The following ZFP36L2 variants were observed in gnomAD, a reference collection of about 807,000 sequenced individuals.
The protein encoded by ZFP36L2 is mRNA decay activator protein ZFP36L2.
A neutral mutation model predicts 27.9 loss-of-function variants in ZFP36L2; 16 were observed. The ratio of observed to expected loss-of-function variants is 0.57; its 90% CI spans 0.39 to 0.87. The LOEUF (loss-of-function observed/expected upper bound fraction) is 0.87. Among genes scored for constraint, ZFP36L2 ranks in the 40% least tolerant of loss-of-function variants. The pLI, the probability that ZFP36L2 is intolerant of heterozygous loss-of-function variation, is 0.00. For synonymous variants in ZFP36L2, 600 were observed against 363.8 expected (o/e 1.65, Z -7.39); for missense variants, 989 against 726.9 (o/e 1.36, Z -4.15).
At position 43,226,088 on chromosome 2, in the gene ZFP36L2, C is replaced by T. The variant is rs569982607; in HGVS notation, c.51+177G>A. Among the ~76,000 whole-genome samples, 4 of 152,334 alleles carry T rather than the reference C, an allele frequency of 2.6e-5. No individual in the cohort carries two copies. In the South Asian group the frequency reaches 8.3e-4, roughly 32 times the overall value. ...CAGTGGAGAAACTCAACCGCGACAC[C>T]GGCGCCCTCCTTGCCGCCCTCCCCG... On this transcript the variant is annotated intron_variant, in intron 1 of 1. Transcript: ENST00000282388.
rs755783248 is a variant in ZFP36L2, at chr2:43,225,770, G to A, written c.52-18C>T. ...TTCTCTGTCTGCCAAAGGGAGGGGAGCGGGGAAGGGATGAAAAACGGAAGG... is the reference window on the plus strand; with the variant it reads ...TTCTCTGTCTGCCAAAGGGAGGGGAACGGGGAAGGGATGAAAAACGGAAGG... On this transcript the variant is annotated intron_variant, in intron 1 of 1. Coordinates refer to ENST00000282388, the MANE Select transcript of ZFP36L2 (RefSeq NM_006887.5). The A allele has an allele frequency of 3.8e-6, 6 of 1,578,264 alleles. No individual in the cohort carries two copies. The East Asian group carries it at 1.2e-4, about 31-fold the overall frequency.
chr2:43,226,442 G>C lies in ZFP36L2; in HGVS notation c.-127C>G, dbSNP rs868425433. On this transcript the variant is annotated 5_prime_UTR_variant, in exon 1 of 2. Coordinates refer to ENST00000282388, the MANE Select transcript of ZFP36L2 (RefSeq NM_006887.5). Reference sequence around the variant, plus strand: ...GGCGGGGAGGGGCCGAAAGTTTGCCGGGGGGCGAGAGGAGAGGGCGAGTGC... The same window carrying C: ...GGCGGGGAGGGGCCGAAAGTTTGCCCGGGGGCGAGAGGAGAGGGCGAGTGC... The C allele has an allele frequency of 3.7e-4, 471 of 1,279,744 alleles. 3 individuals are homozygous for C. The South Asian group carries it at 5.6e-3, about 15-fold the overall frequency. 79.3% of individuals were successfully genotyped at this position (1,279,744 alleles called of 1,614,324 possible).
rs1257627639 is a variant in ZFP36L2 at position 43,224,991 on chromosome 2, C to G, written c.813G>C (p.Pro271=). Residue 271 remains proline, a synonymous_variant, in exon 2 of 2, where the codon CCG becomes CCC. Coordinates refer to ENST00000282388, the MANE Select transcript of ZFP36L2 (RefSeq NM_006887.5). ...GCAGCAGCGGCGACTCGAGGCCGCCCGGGGGCTGATGGTGGCCCGACGGGA... is the reference window on the plus strand; with the variant it reads ...GCAGCAGCGGCGACTCGAGGCCGCCGGGGGGCTGATGGTGGCCCGACGGGA... ...SGFPSGHHQP[P]GGLESPLLLD... is the part of the protein sequence containing the mutation. 6.3e-7 allele frequency: 1 copy of G among 1,589,212 alleles called. No homozygotes were observed. Among genetic ancestry groups the G allele is most frequent in the African/African-American group, 1.4e-5 (1 of 73,718 alleles).
rs775291851 is a variant in ZFP36L2, at chr2:43,225,720, G to A, written c.84C>T (p.Asn28=). The A allele has an allele frequency of 2.5e-6, 4 of 1,595,600 alleles. No homozygotes were observed. Among genetic ancestry groups the A allele is most frequent in the Non-Finnish European group, 2.5e-6 (3 of 1,178,720 alleles). Residue 28 remains asparagine (N), a synonymous_variant, in exon 2 of 2, where the codon AAC becomes AAT. Transcript: ENST00000282388. The stretch of plus-strand genomic sequence containing the variant: ...CCACCGCCTTCTTGTCCAGCATGTT[G>A]TTCAGGTTGAGGTTGGCCAGGGATT... ...TEKSLANLNL[N]NMLDKKAVGT... is the part of the protein sequence containing the mutation.
chr2:43,225,694 C>A lies in ZFP36L2; in HGVS notation c.110G>T (p.Gly37Val), dbSNP rs761844244. Residue 37 changes from glycine (G) to valine (V), a missense_variant, in exon 2 of 2, where the codon GGG becomes GTG. Gly to Val is a moderately radical substitution (Grantham distance 109). Coordinates refer to ENST00000282388, the MANE Select transcript of ZFP36L2 (RefSeq NM_006887.5). ...LNNMLDKKAV[G>V]TPVAAAPSSG... The stretch of plus-strand genomic sequence containing the variant: ...GCTGGGGGCGGCGGCCACAGGCGTC[C>A]CCACCGCCTTCTTGTCCAGCATGTT... The A allele has an allele frequency of 1.7e-5, 27 of 1,594,652 alleles. No homozygotes were observed. The highest frequency in any genetic ancestry group is 2.2e-5 in the Non-Finnish European group (26 of 1,178,416).
rs1335475181 is a variant in ZFP36L2, at chr2:43,225,693, C to T, written c.111G>A (p.Gly37=). The T allele has an allele frequency of 2.5e-6, 4 of 1,595,298 alleles. No homozygotes were observed. Among genetic ancestry groups the T allele is most frequent in the African/African-American group, 2.7e-5 (2 of 74,316 alleles). ...AGCTGGGGGCGGCGGCCACAGGCGT[C>T]CCCACCGCCTTCTTGTCCAGCATGT... is the stretch of plus-strand genomic sequence containing the variant. The part of the protein sequence containing the change: ...LNNMLDKKAV[G]TPVAAAPSSG... Residue 37 remains glycine, a synonymous_variant, in exon 2 of 2, where the codon GGG becomes GGA. Coordinates refer to ENST00000282388, the MANE Select transcript of ZFP36L2 (RefSeq NM_006887.5).
rs754654347 is a variant in ZFP36L2 at position 43,225,225 on chromosome 2, C to T, written c.579G>A (p.Lys193=). 1.9e-6 allele frequency: 3 copies of T among 1,607,184 alleles called. No individual in the cohort carries two copies. Among genetic ancestry groups the T allele is most frequent in the South Asian group, 2.2e-5 (2 of 91,076 alleles). ...TATGAAAGGTGCGGCACAGCTCGGT[C>T]TTGTACTTCGGATGGCGAGTCAGGC... ...LRSLTRHPKY[K]TELCRTFHTI... is the part of the protein sequence containing the mutation. Residue 193 remains lysine (K), a synonymous_variant, in exon 2 of 2, where the codon AAG becomes AAA. Transcript: ENST00000282388.
chr2:43,225,859 CCACTCTTGGCGGAT>C (rs1667087774), intron 1 of ZFP36L2, 107 bp from the exon 2 acceptor site: 1 of 1,231,984 alleles, frequency 8.1e-7, no homozygotes. Flanking sequence ...TTTTTTTCCC[CCACTCTTGGCGGAT>C]CCCGACTCGG....
Position 43,224,755 on chromosome 2 carries a change from C to T in ZFP36L2, c.1049G>A (p.Cys350Tyr). The T allele has an allele frequency of 6.7e-7, 1 of 1,501,810 alleles. No homozygotes were observed. Among genetic ancestry groups the T allele is most frequent in the Non-Finnish European group, 8.8e-7 (1 of 1,132,768 alleles). The allele number at this position is 1,501,810 out of a possible 1,614,324, so 93.0% of individuals were successfully genotyped here. A position where few individuals can be genotyped will look rare whatever the true frequency, so the allele number is the denominator to read the frequency against. ...AEDLLAPGAP[C>Y]AACSSASCAN... The stretch of plus-strand genomic sequence containing the variant: ...GCACGAGGCCGACGAGCAGGCCGCG[C>T]ACGGGGCCCCCGGCGCCAGCAGGTC... The change falls in exon 2 of 2, where the codon TGC becomes TAC. Residue 350 changes from cysteine (C) to tyrosine (Y), a missense_variant. Coordinates refer to ENST00000282388, the MANE Select transcript of ZFP36L2 (RefSeq NM_006887.5).
At chr2:43,226,136 T>C (rs1224302429) in intron 1 of ZFP36L2, 129 bp downstream of exon 1, 1 of 1,372,404 alleles carries the variant, frequency 7.3e-7, no homozygotes, top group Non-Finnish European at 1.0e-6. Context: ...TCGGACACTC[T>C]TTTGCAAACC....
Position 43,225,720 on chromosome 2 carries a change from G to C in ZFP36L2, c.84C>G (p.Asn28Lys), listed in dbSNP as rs775291851. 7 of 1,595,482 alleles carry C rather than the reference G, an allele frequency of 4.4e-6. No homozygotes were observed. The highest frequency in any genetic ancestry group is 3.3e-5 in the Admixed American group (2 of 59,790). ...CCACCGCCTTCTTGTCCAGCATGTTGTTCAGGTTGAGGTTGGCCAGGGATT... is the reference window on the plus strand; with the variant it reads ...CCACCGCCTTCTTGTCCAGCATGTTCTTCAGGTTGAGGTTGGCCAGGGATT... ...TEKSLANLNL[N>K]NMLDKKAVGT... The change falls in exon 2 of 2, where the codon AAC (asparagine) becomes AAG (lysine). Residue 28 changes from asparagine to lysine, a missense_variant. Transcript: ENST00000282388.
rs1666997462 is a variant in ZFP36L2 at position 43,222,879 on chromosome 2, G to A, written c.*1440C>T. 6.6e-6 allele frequency: 1 copy of A among 152,272 alleles called. No homozygotes were observed. The highest frequency in any genetic ancestry group is 2.1e-4 in the South Asian group (1 of 4,824). The allele number at this position is 152,272 out of a possible 1,614,324, so 9.4% of individuals were successfully genotyped here. ...ACTTATTTGGTTGAGGAAGATTTAA[G>A]GCAAGTTCGGGCCCTTCCAAAGGCA... On this transcript the variant is annotated 3_prime_UTR_variant, in exon 2 of 2. Coordinates refer to ENST00000282388, the MANE Select transcript of ZFP36L2 (RefSeq NM_006887.5).
chr2:43,226,087 C>T (rs2103978310), intron 1 of ZFP36L2, among the ~76,000 whole-genome samples, 178 bp downstream of exon 1: 1 of 152,306 alleles, frequency 6.6e-6, no homozygotes, highest in East Asian at 1.9e-4. Context: ...AACCGCGACA[C>T]CGGCGCCCTC....
At position 43,223,959 on chromosome 2, in the gene ZFP36L2, C is replaced by G. The variant is rs1386829460; in HGVS notation, c.*360G>C. The G allele has an allele frequency of 5.5e-6, 1 of 180,304 alleles. No homozygotes were observed. Among genetic ancestry groups the G allele is most frequent in the Non-Finnish European group, 1.1e-5 (1 of 87,484 alleles). 11.2% of individuals were successfully genotyped at this position (180,304 alleles called of 1,614,324 possible). A position where few individuals can be genotyped will look rare whatever the true frequency, so the allele number is the denominator to read the frequency against. Reference sequence around the variant, plus strand: ...GCTGGGTTGATTTTTCCTGAAGTCCCAAACTCATCGGAGTCCTAACAAAGT... The same window carrying G: ...GCTGGGTTGATTTTTCCTGAAGTCCGAAACTCATCGGAGTCCTAACAAAGT... On this transcript the variant is annotated 3_prime_UTR_variant, in exon 2 of 2. Coordinates refer to ENST00000282388, the MANE Select transcript of ZFP36L2 (RefSeq NM_006887.5).
At position 43,224,716 on chromosome 2, in the gene ZFP36L2, A is replaced by AAGGCGT. The variant is rs753808652; in HGVS notation, c.1082_1087dup (p.Ala362_Phe363insTyrAla). Reference sequence around the variant, plus strand: ...GCTGCTGAGCTCCGGACCGAAGGCGAAGGCGTTGTTGGCGCACGAGGCCGA... The same window carrying AAGGCGT: ...GCTGCTGAGCTCCGGACCGAAGGCGAAGGCGTAGGCGTTGTTGGCGCACGAGGCCGA... On this transcript the variant is annotated inframe_insertion, in exon 2 of 2. Transcript: ENST00000282388. 1.8e-5 allele frequency: 28 copies of AAGGCGT among 1,532,324 alleles called. No individual in the cohort carries two copies. The South Asian group carries it at 1.9e-4, about 10-fold the overall frequency. 94.9% of individuals were successfully genotyped at this position (1,532,324 alleles called of 1,614,324 possible).
At position 43,226,484 on chromosome 2, in the gene ZFP36L2, G is replaced by A. The variant is rs1391149534; in HGVS notation, c.-169C>T. On this transcript the variant is annotated 5_prime_UTR_variant, in exon 1 of 2. Transcript: ENST00000282388. ...GGCGAGTGCAGCGGCGCGGGCCGGCGGGAGGGTCCGGCGGAGTGCGGCAGG... is the reference window on the plus strand; with the variant it reads ...GGCGAGTGCAGCGGCGCGGGCCGGCAGGAGGGTCCGGCGGAGTGCGGCAGG... The A allele has an allele frequency of 2.4e-6, 2 of 819,788 alleles. No individual in the cohort carries two copies. The highest frequency in any genetic ancestry group is 3.8e-6 in the Non-Finnish European group (2 of 521,624). 50.8% of individuals were successfully genotyped at this position (819,788 alleles called of 1,614,324 possible).
Position 43,224,720 on chromosome 2 carries a change from C to G in ZFP36L2, c.1084G>C (p.Ala362Pro), listed in dbSNP as rs2103975153. ...CTGAGCTCCGGACCGAAGGCGAAGG[C>G]GTTGTTGGCGCACGAGGCCGACGAG... is the stretch of plus-strand genomic sequence containing the variant. Reference protein sequence around the residue: ...ACSSASCANNAFAFGPELSSL... With the variant: ...ACSSASCANNPFAFGPELSSL... Residue 362 changes from alanine to proline, a missense_variant, in exon 2 of 2, where the codon GCC becomes CCC. By Grantham distance (27) the Ala-to-Pro change is conservative. Coordinates refer to ENST00000282388, the MANE Select transcript of ZFP36L2 (RefSeq NM_006887.5). The G allele has an allele frequency of 2.0e-6, 3 of 1,530,582 alleles. No individual in the cohort carries two copies. Among genetic ancestry groups the G allele is most frequent in the East Asian group, 2.7e-5 (1 of 36,662 alleles). The allele number at this position is 1,530,582 out of a possible 1,614,324, so 94.8% of individuals were successfully genotyped here. A position where few individuals can be genotyped will look rare whatever the true frequency, so the allele number is the denominator to read the frequency against.
At chr2:43,226,126 T>C in intron 1 of ZFP36L2, 139 bp downstream of exon 1, 1 of 1,260,016 alleles carries the variant, frequency 7.9e-7, no homozygotes, top group Non-Finnish European at 1.1e-6. Flanking sequence ...TCCAGGGCGC[T>C]CGGACACTCT....
At position 43,224,579 on chromosome 2, in the gene ZFP36L2, G is replaced by C. The variant is rs1323884646; in HGVS notation, c.1225C>G (p.Pro409Ala). The C allele has an allele frequency of 2.2e-6, 3 of 1,335,730 alleles. No homozygotes were observed. 82.7% of individuals were successfully genotyped at this position (1,335,730 alleles called of 1,614,324 possible). The change falls in exon 2 of 2, where the codon CCG (proline) becomes GCG (alanine). Residue 409 changes from proline (P) to alanine (A), a missense_variant. By Grantham distance (27) the Pro-to-Ala change is conservative (BLOSUM62 -1). Coordinates refer to ENST00000282388, the MANE Select transcript of ZFP36L2 (RefSeq NM_006887.5). The stretch of plus-strand genomic sequence containing the variant: ...AGGGTCGCGCTGGGCGGCGCCGGCG[G>C]CTGCGCGGGGGGCGCCAGGCCCTGC... Reference protein sequence around the residue: ...QQQGLAPPAQPPAPPSATLPA... With the variant: ...QQQGLAPPAQAPAPPSATLPA...
Sources: allele counts gnomAD v4.1 joint callset (sites outside exome capture counted in the v4.1 genomes callset), GRCh38; gene constraint gnomAD v4.1.1; transcripts MANE v1.5; gene names NCBI Gene and HGNC (gene_info 2026-07-23, HGNC 2026-07-21).